RAD54B: variants seen among roughly 807,000 people sequenced by gnomAD.
RAD54B encodes RAD54 homolog B.
A neutral mutation model predicts 95.8 loss-of-function variants in RAD54B; 78 were observed. The ratio of observed to expected loss-of-function variants is 0.81; its 90% confidence interval spans 0.68 to 0.98. The LOEUF (loss-of-function observed/expected upper bound fraction) is 0.98. Among genes scored for constraint, RAD54B ranks in the 50% least tolerant of loss-of-function variants. The pLI is 0.00. For synonymous variants in RAD54B, 328 were observed against 354.9 expected (o/e 0.92, Z 0.85); for missense variants, 957 against 1,056.6 (o/e 0.91, Z 1.31).
intron 3 of RAD54B, among the ~76,000 whole-genome samples, chr8:94,449,609 C>CA (rs369471365): frequency 0.15 from 10,142 of 66,322 alleles, 446 homozygotes; most frequent in Non-Finnish European, 0.19. Context: ...ACTCTGTCTC[C>CA]AAAAAAAAAA....
intron 2 of RAD54B, among the ~76,000 whole-genome samples, chr8:94,463,973 C>T (rs564117922): frequency 1.6e-4 from 24 of 150,232 alleles, no homozygotes; most frequent in African/African-American, 5.1e-4. Flanking sequence ...TGTACACAAA[C>T]GTTCATGAGT....
chr8:94,393,904 TA>T, intron 8 of RAD54B, 22 bp from the exon 9 acceptor site: 1 of 1,562,214 alleles, frequency 6.4e-7, no homozygotes, highest in Admixed American at 2.1e-5. Context: ...CAAAAATGAG[TA>T]AAAGGTCAAG....
intron 12 of RAD54B, 98 bp downstream of exon 12, chr8:94,380,047 G>T: frequency 7.5e-7 from 1 of 1,330,236 alleles, no homozygotes; most frequent in Non-Finnish European, 1.0e-6. Flanking sequence ...GGCTCTTTAT[G>T]CAGTGGATAT....
At chr8:94,448,252 G>C (rs917445746) in intron 3 of RAD54B, among the ~76,000 whole-genome samples, 2 of 151,902 alleles carry the variant, frequency 1.3e-5, no homozygotes, top group African/African-American at 4.8e-5. Context: ...TTGTACCACT[G>C]CACTCCACCC....
intron 12 of RAD54B, 97 bp downstream of exon 12, chr8:94,380,048 C>T: frequency 1.5e-6 from 2 of 1,335,238 alleles, no homozygotes; most frequent in Non-Finnish European, 2.0e-6. Flanking sequence ...GCTCTTTATG[C>T]AGTGGATATT....
chr8:94,449,077 T>C (rs1052966090), intron 3 of RAD54B, among the ~76,000 whole-genome samples: 4 of 148,838 alleles, frequency 2.7e-5, no homozygotes, highest in African/African-American at 1.0e-4. Context: ...CATACACACA[T>C]ATATATCTCC....
chr8:94,392,354 C>T (rs1161523419), intron 9 of RAD54B, among the ~76,000 whole-genome samples: 2 of 152,186 alleles, frequency 1.3e-5, no homozygotes, highest in East Asian at 1.9e-4. Context: ...CTCCACCTCC[C>T]GGGTTCAAGG....
chr8:94,384,004 G>A (rs909456635), intron 11 of RAD54B, among the ~76,000 whole-genome samples: 1 of 152,112 alleles, frequency 6.6e-6, no homozygotes, highest in African/African-American at 2.4e-5. Context: ...ACCATATGAT[G>A]CAACAATTCC....
intron 3 of RAD54B, among the ~76,000 whole-genome samples, chr8:94,452,524 TAG>T (rs1314670550): frequency 7.9e-6 from 1 of 126,880 alleles, no homozygotes; most frequent in Non-Finnish European, 1.8e-5. Flanking sequence ...TTTTTTGAGA[TAG>T]AGTCTGCACT....
intron 6 of RAD54B, among the ~76,000 whole-genome samples, chr8:94,401,454 C>A (rs1811267118): frequency 6.6e-6 from 1 of 151,984 alleles, no homozygotes; most frequent in Admixed American, 6.6e-5. Context: ...TTTCTTCATG[C>A]TTTCTTTTTT....
In RAD54B at chr8:94,429,499, G is replaced by C. The variant is rs941353441; in HGVS notation, c.305-18184C>G. On this transcript the variant is annotated intron_variant, in intron 3 of 14. Coordinates refer to ENST00000336148, the MANE Select transcript of RAD54B (RefSeq NM_012415.3). Reference sequence around the variant, plus strand: ...TGCTGTAAAAGCCAACATTTAAATTGAACATTCATTATCAATTCTTAGTAG... The same window carrying C: ...TGCTGTAAAAGCCAACATTTAAATTCAACATTCATTATCAATTCTTAGTAG... 1.4e-4 allele frequency: 133 copies of C among 983,908 alleles called. No homozygotes were observed. The Middle Eastern group carries it at 1.5e-3, about 11-fold the overall frequency. The allele number at this position is 983,908 out of a possible 1,614,324, so 60.9% of individuals were successfully genotyped here.
rs1811328920 is a variant in RAD54B, at chr8:94,404,203, T to C, written c.818A>G (p.Gln273Arg). The C allele has an allele frequency of 6.2e-7, 1 of 1,609,470 alleles. No homozygotes were observed. Among genetic ancestry groups the C allele is most frequent in the Non-Finnish European group, 8.5e-7 (1 of 1,178,070 alleles). ...LVMPRPDKNH[Q>R]WVFNKNCFPL... The stretch of plus-strand genomic sequence containing the variant: ...GAAACAGTTCTTATTGAATACCCAC[T>C]GGTGATTCTTATCTGGTCGTGGCAT... Residue 273 changes from glutamine (Q) to arginine (R), a missense_variant, in exon 6 of 15, where the codon CAG (glutamine) becomes CGG (arginine). Gln to Arg is a conservative substitution (Grantham distance 43, BLOSUM62 1). Coordinates refer to ENST00000336148, the MANE Select transcript of RAD54B (RefSeq NM_012415.3).
Position 94,459,078 on chromosome 8 carries a change from T to C in RAD54B, c.136-642A>G, listed in dbSNP as rs534271889. Among the ~76,000 whole-genome samples, 131 of 152,254 alleles carry C rather than the reference T, an allele frequency of 8.6e-4. 1 individual carries two copies. In the Middle Eastern group the frequency reaches 0.01, roughly 12 times the overall value. On this transcript the variant is annotated intron_variant, in intron 2 of 14. Transcript: ENST00000336148. Reference sequence around the variant, plus strand: ...CTCTTTTTCTTGTTAAATTTCTCAATACTAAAATCAATACTTAAATATTTT... The same window carrying C: ...CTCTTTTTCTTGTTAAATTTCTCAACACTAAAATCAATACTTAAATATTTT...
chr8:94,389,526 T>C (rs1170347965), intron 10 of RAD54B, among the ~76,000 whole-genome samples: 1 of 152,188 alleles, frequency 6.6e-6, no homozygotes, highest in East Asian at 1.9e-4. Flanking sequence ...CAGTTTGACT[T>C]CTCATCTCAA....
At chr8:94,457,040 T>C (rs1402011590) in intron 3 of RAD54B, among the ~76,000 whole-genome samples, 1 of 152,200 alleles carries the variant, frequency 6.6e-6, no homozygotes, top group African/African-American at 2.4e-5. Context: ...TGAGAAACTA[T>C]GGTAGAATAC....
At chr8:94,456,071 T>C (rs1812772871) in intron 3 of RAD54B, among the ~76,000 whole-genome samples, 2 of 152,148 alleles carry the variant, frequency 1.3e-5, no homozygotes, top group African/African-American at 2.4e-5. Flanking sequence ...GGATTGTTCA[T>C]GAAAAGAAAC....
chr8:94,433,230 CCTAA>C (rs1274073134), intron 3 of RAD54B, among the ~76,000 whole-genome samples: 1 of 152,038 alleles, frequency 6.6e-6, no homozygotes, highest in Non-Finnish European at 1.5e-5. Flanking sequence ...TGGAGGTTAT[CCTAA>C]CTTTCTTATT....
At chr8:94,436,507 T>C in intron 3 of RAD54B, 1 of 1,547,244 alleles carries the variant, frequency 6.5e-7, no homozygotes, top group South Asian at 1.2e-5. Flanking sequence ...TTGTATGTGG[T>C]TCCTGTCTCT....
intron 2 of RAD54B, among the ~76,000 whole-genome samples, chr8:94,464,485 T>C (rs753936920): frequency 2.0e-5 from 3 of 151,912 alleles, no homozygotes; most frequent in Non-Finnish European, 4.4e-5. Context: ...GATAATTCAT[T>C]TGTGTTGTTT....
Sources: allele counts gnomAD v4.1 joint callset (sites outside exome capture counted in the v4.1 genomes callset), GRCh38; gene constraint gnomAD v4.1.1; transcripts MANE v1.5; gene names NCBI Gene and HGNC (gene_info 2026-07-23, HGNC 2026-07-21).